The following BRWD1 variants were observed in gnomAD, a reference collection of about 807,000 sequenced individuals.
The protein encoded by BRWD1 is bromodomain and WD repeat domain containing 1, also known as bromodomain and WD repeat-containing protein 1.
Under a neutral mutation model 251.2 loss-of-function variants are expected in BRWD1, and 82 were observed. The ratio of observed to expected loss-of-function variants is 0.33; its 90% CI spans 0.27 to 0.39. BRWD1 has a LOEUF of 0.39. Among genes scored for constraint, BRWD1 ranks in the 10% least tolerant of loss-of-function variants. The pLI is 1.00. For missense variants in BRWD1, 2,233 were observed against 2,711.6 expected, an observed-to-expected ratio of 0.82 and a Z score of 3.92; for synonymous variants, 918 against 902.8, an observed-to-expected ratio of 1.02 and a Z score of -0.30.
At chr21:39,214,507 C>CT (rs1198294339) in intron 32 of BRWD1, among the ~76,000 whole-genome samples, 2 of 151,752 alleles carry the variant, frequency 1.3e-5, no homozygotes, top group South Asian at 2.1e-4. Flanking sequence ...CTGAAGGAGA[C>CT]TAAGAAAACA....
At chr21:39,223,290 T>G (rs1191228675) in intron 29 of BRWD1, among the ~76,000 whole-genome samples, 1 of 152,210 alleles carries the variant, frequency 6.6e-6, no homozygotes, top group Non-Finnish European at 1.5e-5. Flanking sequence ...TGAAATTATC[T>G]TGAAATCAAG....
rs114871420 is a variant in BRWD1 at position 39,230,358 on chromosome 21, T to C, written c.3001-922A>G. 2.1e-3 allele frequency among the ~76,000 whole-genome samples: 326 copies of C among 152,328 alleles called. 2 individuals carry two copies. Among genetic ancestry groups the C allele is most frequent in the African/African-American group, 7.5e-3 (311 of 41,576 alleles). On this transcript the variant is annotated intron_variant, in intron 25 of 40. Transcript: ENST00000342449. Reference sequence around the variant, plus strand: ...CCACTTATTCACTGAACAAATGTTATTATTATAATGTACCAAACAAAGTGC... The same window carrying C: ...CCACTTATTCACTGAACAAATGTTACTATTATAATGTACCAAACAAAGTGC...
intron 19 of BRWD1, 35 bp from the exon 20 acceptor site, chr21:39,250,924 G>T: frequency 8.0e-7 from 1 of 1,244,590 alleles, no homozygotes; most frequent in Non-Finnish European, 1.1e-6. Flanking sequence ...ATTAACTACT[G>T]AACTGATGGA....
rs2031255282 is a variant in BRWD1, at chr21:39,186,728, G to A, written c.*9531C>T. The A allele has an allele frequency of 4.4e-6, 1 of 227,832 alleles. No individual in the cohort carries two copies. Among genetic ancestry groups the A allele is most frequent in the South Asian group, 1.5e-4 (1 of 6,786 alleles). 14.1% of individuals were successfully genotyped at this position (227,832 alleles called of 1,614,324 possible). A position where few individuals can be genotyped will look rare whatever the true frequency, so the allele number is the denominator to read the frequency against. ...CTTCCCATTATATTCTTCCTCTAAG[G>A]AATCATGTCTTCAAGGCCTTGCATT... On this transcript the variant is annotated 3_prime_UTR_variant, in exon 41 of 41. Transcript: ENST00000342449.
At chr21:39,233,536 C>T (rs1203830187) in intron 23 of BRWD1, among the ~76,000 whole-genome samples, 2 of 151,864 alleles carry the variant, frequency 1.3e-5, no homozygotes, top group African/African-American at 4.8e-5. Context: ...GTAGCAATAA[C>T]ACACACACAC....
intron 17 of BRWD1, among the ~76,000 whole-genome samples, chr21:39,260,966 T>C (rs1568926490): frequency 1.3e-5 from 2 of 152,192 alleles, no homozygotes; most frequent in African/African-American, 4.8e-5. Flanking sequence ...CACGCCTGTC[T>C]GTAATCCCTG....
rs544380890 is a variant in BRWD1 at position 39,292,062 on chromosome 21, C to T, written c.831+1749G>A. 4.8e-5 allele frequency among the ~76,000 whole-genome samples: 7 copies of T among 145,180 alleles called. No individual in the cohort carries two copies. In the East Asian group the frequency reaches 1.4e-3, roughly 30 times the overall value. On this transcript the variant is annotated intron_variant, in intron 8 of 40. Transcript: ENST00000342449. ...CCTGGCTCAAGCAATCCTCCCTCAA[C>T]CTCAGGAGTACCGAGACTACAGGCG...
intron 10 of BRWD1, 79 bp downstream of exon 10, chr21:39,278,664 A>G (rs1293413203): frequency 9.2e-7 from 1 of 1,090,166 alleles, no homozygotes; most frequent in Non-Finnish European, 1.3e-6. Flanking sequence ...TAGCTAATAA[A>G]AGTTCTTAGC....
intron 4 of BRWD1, among the ~76,000 whole-genome samples, chr21:39,305,605 C>A (rs1010876882): frequency 5.9e-5 from 9 of 152,038 alleles, no homozygotes; most frequent in Non-Finnish European, 1.3e-4. Flanking sequence ...TGGCTCACAC[C>A]TGTAATTCCA....
At chr21:39,217,085 T>A (rs1468973755) in intron 31 of BRWD1, 20 of 28,888 alleles carry the variant, frequency 6.9e-4, no homozygotes, top group South Asian at 1.3e-3. Context: ...ATATATATAT[T>A]TTTTTTTTTT....
At chr21:39,280,317 AAACTT>A in intron 8 of BRWD1, 69 bp from the exon 9 acceptor site, 2 of 1,198,930 alleles carry the variant, frequency 1.7e-6, no homozygotes, top group Non-Finnish European at 2.4e-6. Context: ...ATAGTCTTGC[AAACTT>A]AACTTCAATT....
At chr21:39,210,366 T>C (rs1245058982) in intron 35 of BRWD1, among the ~76,000 whole-genome samples, 1 of 152,182 alleles carries the variant, frequency 6.6e-6, no homozygotes, top group Non-Finnish European at 1.5e-5. Flanking sequence ...ACACATGGGA[T>C]GGTTTTATTT....
chr21:39,278,657 C>A, intron 10 of BRWD1, 86 bp downstream of exon 10: 1 of 936,290 alleles, frequency 1.1e-6, no homozygotes, highest in Non-Finnish European at 1.6e-6. Flanking sequence ...TACCATGTAG[C>A]TAATAAAAGT....
At chr21:39,240,781 A>C (rs1161038928) in intron 21 of BRWD1, among the ~76,000 whole-genome samples, 1 of 152,252 alleles carries the variant, frequency 6.6e-6, no homozygotes, top group African/African-American at 2.4e-5. Context: ...TTTGTATAAG[A>C]AGGATAAATA....
In BRWD1 at chr21:39,201,756, CTGTA is replaced by C. The variant is rs546248807; in HGVS notation, c.4585+565_4585+568del. Among the ~76,000 whole-genome samples, 623 of 152,252 alleles carry C rather than the reference CTGTA, an allele frequency of 4.1e-3. 6 individuals are homozygous for C. Among genetic ancestry groups the C allele is most frequent in the Middle Eastern group, 0.017 (5 of 294 alleles). On this transcript the variant is annotated intron_variant, in intron 38 of 40. Coordinates refer to ENST00000342449, the MANE Select transcript of BRWD1 (RefSeq NM_033656.4). The stretch of plus-strand genomic sequence containing the variant: ...GTCCACTTCCATTCCAAACTTTTAT[CTGTA>C]TGTATATTTTTCAATGCTGTCAATA...
chr21:39,268,700 A>C (rs4818010), intron 15 of BRWD1, among the ~76,000 whole-genome samples: 152,310 of 152,310 alleles, frequency 1, 76,155 homozygotes, highest in Non-Finnish European at 1. Flanking sequence ...TTAAAGAAAA[A>C]TAGAGGCCAG....
intron 8 of BRWD1, among the ~76,000 whole-genome samples, chr21:39,286,163 G>C (rs2035632380): frequency 1.3e-5 from 2 of 151,708 alleles, no homozygotes; most frequent in South Asian, 2.1e-4. Context: ...TACAGGCGCT[G>C]GCCACCATGC....
chr21:39,246,915 C>T (rs942870066), intron 21 of BRWD1, among the ~76,000 whole-genome samples: 1 of 152,144 alleles, frequency 6.6e-6, no homozygotes, highest in Non-Finnish European at 1.5e-5. Context: ...AACCCCTTCT[C>T]TACTAAAAAT....
intron 23 of BRWD1, among the ~76,000 whole-genome samples, chr21:39,233,687 C>G (rs1179288055): frequency 1.3e-5 from 2 of 152,142 alleles, no homozygotes; most frequent in African/African-American, 4.8e-5. Flanking sequence ...AACTGTCAAG[C>G]CCACTACTCA....
Sources: allele counts gnomAD v4.1 joint callset (sites outside exome capture counted in the v4.1 genomes callset), GRCh38; gene constraint gnomAD v4.1.1; transcripts MANE v1.5; gene names NCBI Gene and HGNC (gene_info 2026-07-23, HGNC 2026-07-21).